Variants in NTM observed in about 807,000 individuals in gnomAD.
NTM encodes neurotrimin, also known as IgLON family member 2.
A neutral mutation model predicts 42.1 loss-of-function variants in NTM; 13 were observed. The ratio of observed to expected loss-of-function variants is 0.31; its 90% CI spans 0.20 to 0.49. The LOEUF (loss-of-function observed/expected upper bound fraction) is 0.49. Among genes scored for constraint, NTM ranks in the 20% least tolerant of loss-of-function variants. NTM has a pLI of 0.99. For missense variants in NTM, 373 were observed against 452.8 expected (o/e 0.82, Z 1.60); for synonymous variants, 187 against 179.2 (o/e 1.04, Z -0.35).
intron 1 of NTM, among the ~76,000 whole-genome samples, chr11:131,697,733 T>C (rs1415610391): frequency 6.6e-6 from 1 of 152,238 alleles, no homozygotes; most frequent in Non-Finnish European, 1.5e-5. Flanking sequence ...TTCTTACGTA[T>C]TTCCACATGA....
At chr11:131,889,306 G>A (rs577318315) in intron 1 of NTM, among the ~76,000 whole-genome samples, 4 of 152,174 alleles carry the variant, frequency 2.6e-5, no homozygotes, top group African/African-American at 9.7e-5. Context: ...ATTGAAGTAA[G>A]TCTCACAGCC....
intron 1 of NTM, among the ~76,000 whole-genome samples, chr11:131,505,052 T>TCA (rs2047319900): frequency 6.6e-6 from 1 of 151,908 alleles, no homozygotes; most frequent in East Asian, 1.9e-4. Context: ...GGGAAAGAGG[T>TCA]GTGGTCTCAG....
chr11:131,868,269 C>T (rs1268145096), intron 1 of NTM, among the ~76,000 whole-genome samples: 7 of 152,188 alleles, frequency 4.6e-5, no homozygotes. Context: ...GCCCCGCAGC[C>T]ACCCACCCTT....
At chr11:132,193,398 G>T (rs1035549893) in intron 3 of NTM, among the ~76,000 whole-genome samples, 1 of 151,810 alleles carries the variant, frequency 6.6e-6, no homozygotes, top group African/African-American at 2.4e-5. Context: ...CCTGCTCCTG[G>T]ATGACTTTGG....
intron 4 of NTM, among the ~76,000 whole-genome samples, chr11:132,273,308 T>TG (rs71067367): frequency 9.5e-5 from 9 of 94,324 alleles, no homozygotes; most frequent in Admixed American, 1.4e-4. Flanking sequence ...TGTTGACTAG[T>TG]GTTTTTTTTT....
chr11:132,212,755 C>A (rs2083076053), intron 4 of NTM, among the ~76,000 whole-genome samples: 1 of 152,082 alleles, frequency 6.6e-6, no homozygotes, highest in African/African-American at 2.4e-5. Context: ...TACATTAAAA[C>A]CTTTAGAATT....
intron 3 of NTM, among the ~76,000 whole-genome samples, chr11:132,198,120 G>A (rs963602574): frequency 1.3e-5 from 2 of 152,188 alleles, no homozygotes; most frequent in Non-Finnish European, 2.9e-5. Flanking sequence ...CACCAACAGT[G>A]TAAAAGTATT....
intron 1 of NTM, among the ~76,000 whole-genome samples, chr11:131,590,218 C>T (rs900270554): frequency 6.6e-6 from 1 of 152,184 alleles, no homozygotes; most frequent in African/African-American, 2.4e-5. Flanking sequence ...TTTTTTAGAA[C>T]CAGGACTGTC....
At chr11:131,852,731 C>T (rs923232256) in intron 1 of NTM, among the ~76,000 whole-genome samples, 4 of 152,136 alleles carry the variant, frequency 2.6e-5, no homozygotes, top group Non-Finnish European at 5.9e-5. Flanking sequence ...ACCCACCCAC[C>T]GATGGATTTA....
intron 1 of NTM, among the ~76,000 whole-genome samples, chr11:131,464,657 G>A (rs749195713): frequency 2.0e-5 from 3 of 152,134 alleles, no homozygotes; most frequent in Non-Finnish European, 4.4e-5. Flanking sequence ...ACAAATCAGA[G>A]ATGTCTTCCG....
At chr11:132,056,751 C>T (rs2079742628) in intron 2 of NTM, among the ~76,000 whole-genome samples, 1 of 152,170 alleles carries the variant, frequency 6.6e-6, no homozygotes, top group Non-Finnish European at 1.5e-5. Context: ...TTTAGCCTGC[C>T]CCTATTTCAC....
At chr11:132,138,465 GGA>G (rs2068385300) in intron 2 of NTM, among the ~76,000 whole-genome samples, 1 of 152,156 alleles carries the variant, frequency 6.6e-6, no homozygotes, top group African/African-American at 2.4e-5. Context: ...AGAATGTACA[GGA>G]AACAGTGAAA....
intron 1 of NTM, among the ~76,000 whole-genome samples, chr11:131,442,110 C>T (rs140973459): frequency 5.5e-4 from 84 of 152,322 alleles, no homozygotes; most frequent in Admixed American, 1.8e-3. Flanking sequence ...TCCTCATTCA[C>T]AAACAGTTTA....
At chr11:131,781,810 G>A (rs979880826) in intron 1 of NTM, among the ~76,000 whole-genome samples, 11 of 152,212 alleles carry the variant, frequency 7.2e-5, no homozygotes, top group Non-Finnish European at 1.5e-4. Context: ...CTGCCTAGAT[G>A]CACTCTCTGG....
chr11:131,486,440 A>G (rs1371576320), intron 1 of NTM, among the ~76,000 whole-genome samples: 2 of 152,204 alleles, frequency 1.3e-5, no homozygotes, highest in South Asian at 4.1e-4. Flanking sequence ...CCAACTTTCA[A>G]TTCATCTCCT....
chr11:131,408,636 G>C (rs1946066449), intron 1 of NTM, among the ~76,000 whole-genome samples: 1 of 152,160 alleles, frequency 6.6e-6, no homozygotes, highest in Admixed American at 6.5e-5. Context: ...TCACCTTGCA[G>C]ATGAGAAAAC....
chr11:132,188,518 G>A (rs568269057), intron 3 of NTM, among the ~76,000 whole-genome samples: 3 of 152,154 alleles, frequency 2.0e-5, no homozygotes, highest in African/African-American at 7.2e-5. Context: ...AACTTACGCC[G>A]GTCTCTAAAC....
At chr11:132,156,435 T>C (rs2073208298) in intron 3 of NTM, among the ~76,000 whole-genome samples, 1 of 152,216 alleles carries the variant, frequency 6.6e-6, no homozygotes, top group African/African-American at 2.4e-5. Context: ...CCAGACCTGC[T>C]AACCACTGCC....
chr11:131,835,992 T>C (rs1200550514), intron 1 of NTM, among the ~76,000 whole-genome samples: 1 of 152,012 alleles, frequency 6.6e-6, no homozygotes, highest in Admixed American at 6.5e-5. Flanking sequence ...ATATGGAGAG[T>C]AAAAATGGGC....
Sources: allele counts gnomAD v4.1 joint callset (sites outside exome capture counted in the v4.1 genomes callset), GRCh38; gene constraint gnomAD v4.1.1; transcripts MANE v1.5; gene names NCBI Gene and HGNC (gene_info 2026-07-23, HGNC 2026-07-21).